The following PPP6R2 variants were observed in gnomAD, a reference collection of about 807,000 sequenced individuals.
The protein encoded by PPP6R2 is protein phosphatase 6 regulatory subunit 2.
A neutral mutation model predicts 100.2 loss-of-function variants in PPP6R2; 62 were observed. The observed-to-expected ratio is 0.62, with a 90% CI of 0.50 to 0.76. PPP6R2 has a LOEUF of 0.76. Ranked by LOEUF, PPP6R2 falls within the 30% of genes least tolerant of loss-of-function variation. PPP6R2 has a pLI of 0.00. For synonymous variants in PPP6R2, 525 were observed against 514.7 expected (o/e 1.02, Z -0.27); for missense variants, 1,142 against 1,276.3 (o/e 0.89, Z 1.60).
chr22:50,338,786 TGTG>T (rs2042333434), upstream of PPP6R2, among the ~76,000 whole-genome samples: 1 of 137,006 alleles, frequency 7.3e-6, no homozygotes, highest in African/African-American at 2.9e-5. Flanking sequence ...ATGTGGTGTG[TGTG>T]GTGTGTATGT....
At chr22:50,393,477 CAG>C in intron 2 of PPP6R2, 1 of 984,758 alleles carries the variant, frequency 1.0e-6, no homozygotes, top group Non-Finnish European at 1.2e-6. Flanking sequence ...ATTCGCCTAA[CAG>C]AACTACAGAG....
chr22:50,433,023 C>T (rs1330056198), intron 12 of PPP6R2, among the ~76,000 whole-genome samples: 1 of 152,250 alleles, frequency 6.6e-6, no homozygotes, highest in Non-Finnish European at 1.5e-5. Flanking sequence ...GGCCTTTCTG[C>T]CTCCATTTCC....
At chr22:50,365,574 G>A (rs956721617) in intron 1 of PPP6R2, among the ~76,000 whole-genome samples, 1 of 151,462 alleles carries the variant, frequency 6.6e-6, no homozygotes, top group Admixed American at 6.6e-5. Context: ...AGCTACTCGG[G>A]AGGCTGAGGC....
At chr22:50,443,242 GTTGT>G (rs1296883140) in intron 22 of PPP6R2, 1 of 152,934 alleles carries the variant, frequency 6.5e-6, no homozygotes, top group African/African-American at 2.4e-5. Context: ...TGCAAAGTAA[GTTGT>G]TTTTTTCCAC....
intron 3 of PPP6R2, among the ~76,000 whole-genome samples, chr22:50,395,379 A>C (rs2056567275): frequency 6.6e-6 from 1 of 152,004 alleles, no homozygotes; most frequent in Non-Finnish European, 1.5e-5. Context: ...GGCGAGAGGG[A>C]GAACAGGGCG....
chr22:50,410,133 T>C (rs916035857), intron 4 of PPP6R2, among the ~76,000 whole-genome samples: 14 of 152,232 alleles, frequency 9.2e-5, no homozygotes, highest in African/African-American at 3.4e-4. Context: ...TTTGTCACTT[T>C]CTACATTCTC....
intron 17 of PPP6R2, 35 bp from the exon 18 acceptor site, chr22:50,438,139 C>A: frequency 6.3e-7 from 1 of 1,593,734 alleles, no homozygotes; most frequent in Non-Finnish European, 8.5e-7. Context: ...TCCCCCAGAC[C>A]CTCTGGAAAC....
chr22:50,424,600 C>T (rs191883021), intron 10 of PPP6R2, among the ~76,000 whole-genome samples: 150 of 146,386 alleles, frequency 1.0e-3, no homozygotes, highest in Admixed American at 2.1e-3. Context: ...GAAGCAATTA[C>T]AAAAGAGACC....
At chr22:50,369,786 G>T (rs1278623287) in intron 1 of PPP6R2, among the ~76,000 whole-genome samples, 2 of 152,046 alleles carry the variant, frequency 1.3e-5, no homozygotes, top group Non-Finnish European at 2.9e-5. Context: ...GATTACAGGT[G>T]TGAGCCACCG....
intron 3 of PPP6R2, among the ~76,000 whole-genome samples, chr22:50,399,556 C>G (rs575932058): frequency 1.3e-5 from 2 of 152,220 alleles, no homozygotes; most frequent in African/African-American, 4.8e-5. Context: ...ACCACAGGCT[C>G]AATTATGGGA....
intron 1 of PPP6R2, among the ~76,000 whole-genome samples, chr22:50,356,919 G>A (rs897693480): frequency 1.3e-4 from 20 of 149,802 alleles, no homozygotes; most frequent in African/African-American, 5.0e-4. Context: ...GGGCGACAGA[G>A]GGAGACTCTG....
chr22:50,377,425 CAG>C (rs1397753398), intron 2 of PPP6R2, among the ~76,000 whole-genome samples: 1 of 151,330 alleles, frequency 6.6e-6, no homozygotes, highest in Non-Finnish European at 1.5e-5. Context: ...GCCTGGGTGA[CAG>C]AACAAGACCC....
At chr22:50,421,696 A>G (rs1045004562) in intron 8 of PPP6R2, among the ~76,000 whole-genome samples, 1 of 152,020 alleles carries the variant, frequency 6.6e-6, no homozygotes, top group Non-Finnish European at 1.5e-5. Context: ...GGATCACCTG[A>G]GGTCAGGTGA....
At chr22:50,407,275 A>AGGCAGAAG (rs1569435012) in intron 4 of PPP6R2, among the ~76,000 whole-genome samples, 1 of 151,464 alleles carries the variant, frequency 6.6e-6, no homozygotes, top group Non-Finnish European at 1.5e-5. Context: ...TGAACCTGGG[A>AGGCAGAAG]GGCAGAGGTT....
At chr22:50,336,006 A>G in the PPP6R2 span, among the ~76,000 whole-genome samples, 2 of 150,444 alleles carry the variant, frequency 1.3e-5, no homozygotes, top group African/African-American at 4.9e-5. Context: ...TCTTTTTGAG[A>G]CAGAGTCTTG....
At chr22:50,394,459 TGTG>T (rs772797988) in intron 3 of PPP6R2, among the ~76,000 whole-genome samples, 1 of 150,850 alleles carries the variant, frequency 6.6e-6, no homozygotes. Context: ...ATTAGCCAGA[TGTG>T]GTGTTGTAGA....
intron 4 of PPP6R2, among the ~76,000 whole-genome samples, chr22:50,408,757 T>C (rs2059341744): frequency 6.6e-6 from 1 of 152,236 alleles, no homozygotes. Context: ...TCATATAATA[T>C]TTTTCTTCCA....
chr22:50,337,410 TGTG>T, the PPP6R2 span, among the ~76,000 whole-genome samples: 2 of 135,184 alleles, frequency 1.5e-5, no homozygotes, highest in African/African-American at 2.8e-5. Flanking sequence ...GTGTGCGATG[TGTG>T]GTGTGTGTGG....
intron 17 of PPP6R2, 60 bp downstream of exon 17, chr22:50,437,960 C>A: frequency 6.4e-7 from 1 of 1,560,796 alleles, no homozygotes; most frequent in Non-Finnish European, 8.7e-7. Context: ...TCAGGCCATG[C>A]CCATGGCTCG....
Sources: allele counts gnomAD v4.1 joint callset (sites outside exome capture counted in the v4.1 genomes callset), GRCh38; gene constraint gnomAD v4.1.1; transcripts MANE v1.5; gene names NCBI Gene and HGNC (gene_info 2026-07-23, HGNC 2026-07-21).